POLQ: variants seen among roughly 807,000 people sequenced by gnomAD.
POLQ encodes the protein epididymis secretory sperm binding protein.
POLQ carries 233 observed loss-of-function variants against 259.2 expected under a neutral mutation model. The observed-to-expected ratio is 0.90, with a 90% CI of 0.81 to 1.00. POLQ has a LOEUF of 1.00. Among genes scored for constraint, POLQ ranks in the 50% least tolerant of loss-of-function variants. POLQ has a pLI of 0.00. For missense variants in POLQ, 2,871 were observed against 3,051.6 expected (o/e 0.94, Z 1.39); for synonymous variants, 1,025 against 1,048.8 (o/e 0.98, Z 0.44).
chr3:121,432,882 C>A, intron 29 of POLQ, 36 bp downstream of exon 29: 1 of 1,197,028 alleles, frequency 8.4e-7, no homozygotes, highest in African/African-American at 1.5e-5. Flanking sequence ...AGTGTCTTGT[C>A]TTCCTATGGA....
At chr3:121,476,791 G>T in intron 19 of POLQ, 58 bp from the exon 20 acceptor site, 2 of 1,170,368 alleles carry the variant, frequency 1.7e-6, no homozygotes, top group Non-Finnish European at 2.4e-6. Context: ...TAGATCAGCA[G>T]CCTTACCTAA....
At chr3:121,482,131 A>C (rs2047976303) in intron 18 of POLQ, among the ~76,000 whole-genome samples, 1 of 152,206 alleles carries the variant, frequency 6.6e-6, no homozygotes, top group Non-Finnish European at 1.5e-5. Context: ...CTGAAAATGA[A>C]GATGGACTCC....
intron 25 of POLQ, among the ~76,000 whole-genome samples, chr3:121,453,038 A>C (rs2047693815): frequency 6.6e-6 from 1 of 152,232 alleles, no homozygotes; most frequent in Admixed American, 6.5e-5. Context: ...CCTCTGAGAC[A>C]AAACTTCCAG....
intron 14 of POLQ, chr3:121,494,078 A>T: frequency 1.5e-6 from 1 of 670,576 alleles, no homozygotes; most frequent in Non-Finnish European, 2.7e-6. Flanking sequence ...TCTTAAAAAC[A>T]TGTAAAGGTC....
intron 3 of POLQ, among the ~76,000 whole-genome samples, chr3:121,540,973 C>T (rs570073313): frequency 1.3e-5 from 2 of 151,480 alleles, no homozygotes; most frequent in Admixed American, 1.3e-4. Flanking sequence ...CTCACTGCAA[C>T]CTCCACCTCC....
chr3:121,498,209 C>T (rs1289294560), intron 13 of POLQ, among the ~76,000 whole-genome samples: 1 of 151,832 alleles, frequency 6.6e-6, no homozygotes, highest in African/African-American at 2.4e-5. Context: ...ACTCAGGAGG[C>T]TGAGGCAGCA....
intron 14 of POLQ, chr3:121,494,952 A>C: frequency 1.1e-6 from 1 of 870,206 alleles, no homozygotes; most frequent in Non-Finnish European, 1.7e-6. Context: ...AATTAAAATA[A>C]TACAAATTTT....
chr3:121,449,615 C>A (rs1030539151), intron 25 of POLQ, among the ~76,000 whole-genome samples, 189 bp from the exon 26 acceptor site: 5 of 152,096 alleles, frequency 3.3e-5, no homozygotes, highest in Non-Finnish European at 7.4e-5. Context: ...TTCAGCATTA[C>A]TTTTTGAGAG....
chr3:121,511,291 A>G (rs2048253812), intron 10 of POLQ, among the ~76,000 whole-genome samples: 1 of 149,026 alleles, frequency 6.7e-6, no homozygotes, highest in Non-Finnish European at 1.5e-5. Context: ...CCAGCTACTC[A>G]GGAGGCTGAG....
chr3:121,446,475 T>C (rs948565115), intron 26 of POLQ, among the ~76,000 whole-genome samples: 1 of 152,148 alleles, frequency 6.6e-6, no homozygotes, highest in South Asian at 2.1e-4. Flanking sequence ...TTTAGCATAA[T>C]TTCTTTGTTG....
rs561851135 is a variant in POLQ, at chr3:121,502,590, A to C, written c.1960-3920T>G. 2.6e-5 allele frequency among the ~76,000 whole-genome samples: 4 copies of C among 152,320 alleles called. No individual in the cohort carries two copies. The East Asian group carries it at 7.7e-4, about 29-fold the overall frequency. On this transcript the variant is annotated intron_variant, in intron 12 of 29. Coordinates refer to ENST00000264233, the MANE Select transcript of POLQ (RefSeq NM_199420.4). ...TATCAGCCCACAGGAGGCAGGTGGA[A>C]GCAAAGCTGTACTGGACTAAGGAAA...
intron 10 of POLQ, 91 bp from the exon 11 acceptor site, chr3:121,510,334 T>G (rs993282037): frequency 1.2e-6 from 1 of 834,836 alleles, no homozygotes; most frequent in East Asian, 2.5e-5. Flanking sequence ...TCCCAGCACT[T>G]TGGGAGTCCG....
rs1576409282 is a variant in POLQ at position 121,473,266 on chromosome 3, G to A, written c.6543+84C>T. ...AATTCAAATGGTAGGCTAAGATGTT[G>A]ATTTCATCAGCATTCTTTCTAGACA... On this transcript the variant is annotated intron_variant, in intron 21 of 29. Transcript: ENST00000264233. 6 of 1,188,540 alleles carry A rather than the reference G, an allele frequency of 5.0e-6. No individual in the cohort carries two copies. The East Asian group carries it at 1.5e-4, about 31-fold the overall frequency. 73.6% of individuals were successfully genotyped at this position (1,188,540 alleles called of 1,614,324 possible).
At chr3:121,455,419 C>A (rs1450605035) in intron 25 of POLQ, among the ~76,000 whole-genome samples, 3 of 148,450 alleles carry the variant, frequency 2.0e-5, no homozygotes, top group Admixed American at 6.7e-5. Context: ...ACAAAAAACC[C>A]TTCAAAAAAT....
At chr3:121,456,401 G>C (rs1343967069) in intron 25 of POLQ, among the ~76,000 whole-genome samples, 1 of 151,898 alleles carries the variant, frequency 6.6e-6, no homozygotes, top group African/African-American at 2.4e-5. Flanking sequence ...GGCAGGAGAA[G>C]GAAATAAAGG....
intron 12 of POLQ, among the ~76,000 whole-genome samples, chr3:121,499,353 A>G (rs1406193843): frequency 6.6e-6 from 1 of 151,740 alleles, no homozygotes; most frequent in Non-Finnish European, 1.5e-5. Context: ...CCTGTGCTCA[A>G]GCAATCCTCC....
At chr3:121,541,530 C>T (rs1369349482) in intron 2 of POLQ, 51 bp from the exon 3 acceptor site, 2 of 1,490,788 alleles carry the variant, frequency 1.3e-6, no homozygotes, top group Non-Finnish European at 1.8e-6. Flanking sequence ...ATATTCGGTA[C>T]AATTCATTAA....
intron 5 of POLQ, among the ~76,000 whole-genome samples, chr3:121,534,279 T>G (rs2048434790): frequency 6.9e-6 from 1 of 145,260 alleles, no homozygotes; most frequent in Non-Finnish European, 1.5e-5. Flanking sequence ...AATTTCCTCT[T>G]TCATTTTTTG....
At chr3:121,440,308 A>G (rs1463728013) in intron 26 of POLQ, among the ~76,000 whole-genome samples, 192 bp from the exon 27 acceptor site, 1 of 152,180 alleles carries the variant, frequency 6.6e-6, no homozygotes, top group Non-Finnish European at 1.5e-5. Context: ...AAGAGACTTT[A>G]GAAATGAAAT....
Sources: gnomAD v4.1 joint callset for allele counts (sites outside exome capture counted in the v4.1 genomes callset) on GRCh38, gnomAD v4.1.1 for gene constraint, MANE v1.5 for transcripts, NCBI Gene and HGNC (gene_info 2026-07-23, HGNC 2026-07-21) for gene names.